PIK3CD: variants seen among roughly 807,000 people sequenced by gnomAD.
PIK3CD encodes phosphatidylinositol-4,5-bisphosphate 3-kinase catalytic subunit delta.
In PIK3CD, 20 loss-of-function variants were observed where a neutral mutation model predicts 122.9. The observed-to-expected ratio is 0.16, with a 90% CI of 0.11 to 0.24. PIK3CD has a LOEUF of 0.24. Among genes scored for constraint, PIK3CD ranks in the 10% least tolerant of loss-of-function variants. The pLI is 1.00. For missense variants in PIK3CD, 787 were observed against 1,406.3 expected (o/e 0.56, Z 7.04); for synonymous variants, 596 against 593.4 (o/e 1.00, Z -0.06).
the PIK3CD span, among the ~76,000 whole-genome samples, chr1:9,633,487 T>G: frequency 2.0e-5 from 3 of 152,134 alleles, no homozygotes; most frequent in Non-Finnish European, 2.9e-5. Flanking sequence ...TTTTGTATTT[T>G]TAGTAGAGAC....
chr1:9,656,553 C>T (rs928272543), intron 1 of PIK3CD, among the ~76,000 whole-genome samples: 1 of 152,062 alleles, frequency 6.6e-6, no homozygotes, highest in Non-Finnish European at 1.5e-5. Context: ...CACTTGTGCC[C>T]AGGAGTTTGA....
intron 1 of PIK3CD, chr1:9,672,749 C>A (rs1645370685): frequency 6.6e-6 from 1 of 152,130 alleles, no homozygotes; most frequent in Admixed American, 6.6e-5. Context: ...TTTAATAGCA[C>A]TTTTATCCAA....
intron 1 of PIK3CD, chr1:9,654,453 TAC>T: frequency 7.8e-7 from 1 of 1,274,504 alleles, no homozygotes; most frequent in Non-Finnish European, 1.1e-6. Context: ...CTGGGGGGCT[TAC>T]AGGACAGACA....
chr1:9,710,230 G>C lies in PIK3CD; in HGVS notation c.-32-194G>C. ...GAAGAGGCAGCTGAGGCCGTGGCCC[G>C]GAGTAGTAGGAGCCACAAGCCACCC... On this transcript the variant is annotated intron_variant, in intron 2 of 23. Transcript: ENST00000377346. The surrounding 1 kb of genome is among the most constrained non-coding windows in gnomAD (Gnocchi z 4.7). 1.7e-6 allele frequency: 1 copy of C among 578,832 alleles called. No individual in the cohort carries two copies. Among genetic ancestry groups the C allele is most frequent in the South Asian group, 1.9e-5 (1 of 53,706 alleles). 35.9% of individuals were successfully genotyped at this position (578,832 alleles called of 1,614,324 possible).
chr1:9,649,532 C>G (rs1644637464), upstream of PIK3CD, among the ~76,000 whole-genome samples: 1 of 152,158 alleles, frequency 6.6e-6, no homozygotes, highest in Non-Finnish European at 1.5e-5. Flanking sequence ...CATGCCTGGC[C>G]TGGGCCTCTG....
rs1042838633 is a variant in PIK3CD, at chr1:9,722,742, G to A, written c.2426+136G>A. ...GGCTTTCCTAGGAAGACCCGGAGGC[G>A]GTTTAACTCTAGGCCAGGAGGCGGC... On this transcript the variant is annotated intron_variant, in intron 19 of 23. Coordinates refer to ENST00000377346, the MANE Select transcript of PIK3CD (RefSeq NM_005026.5). The surrounding 1 kb of genome is among the most constrained non-coding windows in gnomAD (Gnocchi z 7.6). 33 of 795,220 alleles carry A rather than the reference G, an allele frequency of 4.1e-5. No homozygotes were observed. The highest frequency in any genetic ancestry group is 3.5e-4 in the East Asian group (13 of 37,592). 49.3% of individuals were successfully genotyped at this position (795,220 alleles called of 1,614,324 possible).
chr1:9,658,784 C>T (rs933657320), intron 1 of PIK3CD, among the ~76,000 whole-genome samples: 1 of 152,140 alleles, frequency 6.6e-6, no homozygotes, highest in African/African-American at 2.4e-5. Context: ...CCTGCCTCGG[C>T]CTCCCAAAGT....
intron 1 of PIK3CD, among the ~76,000 whole-genome samples, chr1:9,661,179 C>A (rs1644998639): frequency 6.6e-6 from 1 of 152,186 alleles, no homozygotes; most frequent in East Asian, 1.9e-4. Context: ...AAGTGATCCA[C>A]CTGCCTCAGT....
Position 9,723,051 on chromosome 1 carries a change from T to C in PIK3CD, c.2427-74T>C. On this transcript the variant is annotated intron_variant, in intron 19 of 23. Transcript: ENST00000377346. The surrounding 1 kb of genome is among the most constrained non-coding windows in gnomAD (Gnocchi z 4.9). Reference sequence around the variant, plus strand: ...CTGTGGCTTTTTGGGGCACCATGAGTTTCTGGGGCTCAAGTGGCCTCAGGG... The same window carrying C: ...CTGTGGCTTTTTGGGGCACCATGAGCTTCTGGGGCTCAAGTGGCCTCAGGG... The C allele has an allele frequency of 2.0e-6, 3 of 1,482,354 alleles. No homozygotes were observed. Among genetic ancestry groups the C allele is most frequent in the Non-Finnish European group, 2.8e-6 (3 of 1,062,680 alleles). The allele number at this position is 1,482,354 out of a possible 1,614,324, so 91.8% of individuals were successfully genotyped here. A position where few individuals can be genotyped will look rare whatever the true frequency, so the allele number is the denominator to read the frequency against.
chr1:9,696,340 C>T (rs1646415589), intron 2 of PIK3CD, among the ~76,000 whole-genome samples: 1 of 152,068 alleles, frequency 6.6e-6, no homozygotes, highest in Non-Finnish European at 1.5e-5. Flanking sequence ...GTAATCCCAA[C>T]ACTTTGGAGC....
chr1:9,630,701 A>G, the PIK3CD span, among the ~76,000 whole-genome samples: 1 of 122,860 alleles, frequency 8.1e-6, no homozygotes, highest in Non-Finnish European at 1.7e-5. Context: ...GTTAGCAAAG[A>G]AAGTGAGTGT....
chr1:9,667,917 T>TG (rs1352402938), intron 1 of PIK3CD, among the ~76,000 whole-genome samples: 2 of 145,790 alleles, frequency 1.4e-5, no homozygotes, highest in Admixed American at 1.4e-4. Flanking sequence ...TGTTTTTTTT[T>TG]TTTTTTTTTT....
intron 2 of PIK3CD, among the ~76,000 whole-genome samples, chr1:9,701,203 A>G (rs1333156746): frequency 6.6e-6 from 1 of 150,634 alleles, no homozygotes; most frequent in Non-Finnish European, 1.5e-5. Context: ...CTCATGCCAC[A>G]CCCTCCCCTC....
chr1:9,689,433 G>C lies in PIK3CD; in HGVS notation c.-137-2034G>C, dbSNP rs950143402. On this transcript the variant is annotated intron_variant, in intron 1 of 23. Transcript: ENST00000377346. The surrounding 1 kb of genome is among the most constrained non-coding windows in gnomAD (Gnocchi z 6.1). ...GCTGGGGGTGTGAGAATTTGCCGAC[G>C]GTGCCCGCGCCGCCGCCGGCCCCGG... Among the ~76,000 whole-genome samples, 17 of 150,508 alleles carry C rather than the reference G, an allele frequency of 1.1e-4. No individual in the cohort carries two copies. The highest frequency in any genetic ancestry group is 2.4e-4 in the Non-Finnish European group (16 of 67,410).
chr1:9,712,561 G>T lies in PIK3CD; in HGVS notation c.141+1965G>T, dbSNP rs193184968. Among the ~76,000 whole-genome samples the T allele has an allele frequency of 5.2e-4, 79 of 152,238 alleles. No homozygotes were observed. The East Asian group carries it at 0.013, about 25-fold the overall frequency. On this transcript the variant is annotated intron_variant, in intron 3 of 23. Coordinates refer to ENST00000377346, the MANE Select transcript of PIK3CD (RefSeq NM_005026.5). ...CTCCCTTAGTGCTGGGATTACAGCC[G>T]TGAGCCATGGCACCCGGCCCTTATC...
Position 9,718,596 on chromosome 1 carries a change from CACCT to C in PIK3CD, c.1021-97_1021-94del. ...TCGTGTGGGAAGTAGAGTTCAGACC[CACCT>C]GAGGACATTCAAGGGGGAGACTGAC... On this transcript the variant is annotated intron_variant, in intron 8 of 23. Coordinates refer to ENST00000377346, the MANE Select transcript of PIK3CD (RefSeq NM_005026.5). The surrounding 1 kb of genome is among the most constrained non-coding windows in gnomAD (Gnocchi z 7.2). 5 of 1,131,574 alleles carry C rather than the reference CACCT, an allele frequency of 4.4e-6. No individual in the cohort carries two copies. The highest frequency in any genetic ancestry group is 6.5e-6 in the Non-Finnish European group (5 of 768,250). 70.1% of individuals were successfully genotyped at this position (1,131,574 alleles called of 1,614,324 possible).
rs1208532721 is a variant in PIK3CD at position 9,689,779 on chromosome 1, G to T, written c.-137-1688G>T. Among the ~76,000 whole-genome samples, 1 of 151,596 alleles carries T rather than the reference G, an allele frequency of 6.6e-6. No individual in the cohort carries two copies. Among genetic ancestry groups the T allele is most frequent in the East Asian group, 2.0e-4 (1 of 5,122 alleles). On this transcript the variant is annotated intron_variant, in intron 1 of 23. Coordinates refer to ENST00000377346, the MANE Select transcript of PIK3CD (RefSeq NM_005026.5). This position sits in a 1 kb window ranked among gnomAD's most constrained non-coding sequence, Gnocchi z 6.1. ...GTCCCCGTGCCCCGCCCCCAGCCCC[G>T]CCGGGCGTCCCACCCCGCCCAGCCC... is the stretch of plus-strand genomic sequence containing the variant.
At chr1:9,709,051 C>G (rs192377653) in intron 2 of PIK3CD, among the ~76,000 whole-genome samples, 1 of 150,908 alleles carries the variant, frequency 6.6e-6, no homozygotes, top group South Asian at 2.1e-4. Flanking sequence ...TTTTTTGAGA[C>G]GGAGTTTCGC....
At chr1:9,659,402 T>G (rs1644949135) in intron 1 of PIK3CD, among the ~76,000 whole-genome samples, 1 of 152,180 alleles carries the variant, frequency 6.6e-6, no homozygotes, top group South Asian at 2.1e-4. Context: ...ATACATAACA[T>G]AAAATTTACC....
Sources: allele counts gnomAD v4.1 joint callset (sites outside exome capture counted in the v4.1 genomes callset), GRCh38; gene constraint gnomAD v4.1.1; non-coding constraint Gnocchi (gnomAD v3.1); transcripts MANE v1.5; gene names NCBI Gene and HGNC (gene_info 2026-07-23, HGNC 2026-07-21).